Variants in KCNU1 observed in about 807,000 individuals in gnomAD.
KCNU1 encodes the protein potassium channel subfamily U member 1.
A neutral mutation model predicts 126.8 loss-of-function variants in KCNU1; 93 were observed. That is an observed-to-expected ratio of 0.73 (90% CI 0.62 to 0.87). KCNU1 has a LOEUF of 0.87. Ranked by LOEUF, KCNU1 falls within the 40% of genes least tolerant of loss-of-function variation. KCNU1 has a pLI of 0.00. For synonymous variants in KCNU1, 523 were observed against 494.2 expected (o/e 1.06, Z -0.77); for missense variants, 1,330 against 1,367.1 (o/e 0.97, Z 0.43).
chr8:36,912,658 A>G (rs62490755), intron 22 of KCNU1, among the ~76,000 whole-genome samples: 8 of 152,166 alleles, frequency 5.3e-5, no homozygotes, highest in Non-Finnish European at 1.2e-4. Flanking sequence ...ATAATTGGAC[A>G]AAGAAGAAGT....
chr8:36,825,504 C>T (rs16885464), intron 10 of KCNU1, among the ~76,000 whole-genome samples: 2,240 of 151,578 alleles, frequency 0.015, 55 homozygotes, highest in African/African-American at 0.05. Context: ...TGCACCTCTG[C>T]TCTTCCTTCC....
chr8:36,808,614 T>G (rs1474671235), intron 6 of KCNU1, 104 bp from the exon 7 acceptor site: 1 of 718,336 alleles, frequency 1.4e-6, no homozygotes, highest in Non-Finnish European at 2.5e-6. Flanking sequence ...CCGTTCCTTC[T>G]GGTCCATGAG....
At chr8:36,816,612 G>C (rs1803922656) in intron 9 of KCNU1, among the ~76,000 whole-genome samples, 1 of 151,834 alleles carries the variant, frequency 6.6e-6, no homozygotes, top group African/African-American at 2.4e-5. Flanking sequence ...AGGCCTATGG[G>C]GCACATACTA....
intron 24 of KCNU1, among the ~76,000 whole-genome samples, chr8:36,923,216 C>T (rs1808424810): frequency 6.6e-6 from 1 of 152,148 alleles, no homozygotes; most frequent in African/African-American, 2.4e-5. Flanking sequence ...TACAAATGCC[C>T]ACTGAACACC....
chr8:36,866,828 T>C (rs1352867547), intron 19 of KCNU1, among the ~76,000 whole-genome samples: 1 of 152,076 alleles, frequency 6.6e-6, no homozygotes, highest in Admixed American at 6.6e-5. Flanking sequence ...CTATAGTTAA[T>C]AACAATATAT....
intron 18 of KCNU1, among the ~76,000 whole-genome samples, chr8:36,846,243 C>G (rs1349266540): frequency 6.6e-6 from 1 of 152,210 alleles, no homozygotes; most frequent in Admixed American, 6.5e-5. Context: ...CAGTTTTTCA[C>G]AACTTCAGAC....
At chr8:36,878,779 A>T (rs897325978) in intron 19 of KCNU1, among the ~76,000 whole-genome samples, 5 of 148,846 alleles carry the variant, frequency 3.4e-5, no homozygotes, top group Non-Finnish European at 7.4e-5. Flanking sequence ...TATATATATA[A>T]AATATAATTA....
At chr8:36,898,481 A>C (rs1305227399) in intron 19 of KCNU1, among the ~76,000 whole-genome samples, 1 of 151,714 alleles carries the variant, frequency 6.6e-6, no homozygotes. Flanking sequence ...ATCCCATAAA[A>C]CCTTGGGAAG....
At chr8:36,872,443 T>C (rs1465942970) in intron 19 of KCNU1, among the ~76,000 whole-genome samples, 1 of 152,120 alleles carries the variant, frequency 6.6e-6, no homozygotes, top group East Asian at 1.9e-4. Flanking sequence ...CCTGTAACTA[T>C]GGTGGGGGCT....
chr8:36,862,099 G>C (rs1233280803), intron 18 of KCNU1, among the ~76,000 whole-genome samples: 1 of 152,098 alleles, frequency 6.6e-6, no homozygotes, highest in Non-Finnish European at 1.5e-5. Context: ...GACATTAACA[G>C]TCTAGCTAAA....
intron 24 of KCNU1, among the ~76,000 whole-genome samples, chr8:36,925,935 C>T (rs2117600154): frequency 6.6e-6 from 1 of 152,212 alleles, no homozygotes; most frequent in Middle Eastern, 3.4e-3. Context: ...AGCTATGACC[C>T]CTACAGACCC....
At position 36,854,146 on chromosome 8, in the gene KCNU1, C is replaced by A. The variant is rs181655099; in HGVS notation, c.1891+8247C>A. Among the ~76,000 whole-genome samples, 9 of 152,258 alleles carry A rather than the reference C, an allele frequency of 5.9e-5. 1 individual carries two copies. The highest frequency in any genetic ancestry group is 2.2e-4 in the African/African-American group (9 of 41,560). On this transcript the variant is annotated intron_variant, in intron 18 of 26. Coordinates refer to ENST00000399881, the MANE Select transcript of KCNU1 (RefSeq NM_001031836.3). ...CACTTCTGTCTTGCTGACTTGAAGA[C>A]CCTCTGTCTTTGAGTCTTACATTTT...
chr8:36,803,943 G>C, intron 2 of KCNU1, 84 bp from the exon 3 acceptor site: 1 of 883,764 alleles, frequency 1.1e-6, no homozygotes, highest in Non-Finnish European at 1.8e-6. Context: ...CACAGGCATG[G>C]TAAAAAGAGA....
At chr8:36,885,914 A>G (rs1426640980) in intron 19 of KCNU1, among the ~76,000 whole-genome samples, 1 of 152,154 alleles carries the variant, frequency 6.6e-6, no homozygotes, top group African/African-American at 2.4e-5. Flanking sequence ...CATGTCTCCT[A>G]CTCTACCCCT....
chr8:36,812,151 G>A (rs1264622330), intron 7 of KCNU1, among the ~76,000 whole-genome samples: 1 of 151,666 alleles, frequency 6.6e-6, no homozygotes, highest in African/African-American at 2.4e-5. Flanking sequence ...GGCCAAGGAG[G>A]GGCGGATCTC....
chr8:36,844,288 G>T (rs918781931), intron 16 of KCNU1, among the ~76,000 whole-genome samples: 11 of 151,924 alleles, frequency 7.2e-5, no homozygotes, highest in African/African-American at 2.7e-4. Context: ...GCTGAGGCAG[G>T]AGAATCACCT....
intron 18 of KCNU1, among the ~76,000 whole-genome samples, chr8:36,849,540 A>G (rs1217948125): frequency 6.6e-6 from 1 of 152,246 alleles, no homozygotes; most frequent in Non-Finnish European, 1.5e-5. Context: ...CAGTGAGCCA[A>G]GATCAGGCCA....
chr8:36,810,250 CA>C (rs5890885), intron 7 of KCNU1, among the ~76,000 whole-genome samples: 333 of 139,272 alleles, frequency 2.4e-3, no homozygotes, highest in Admixed American at 6.2e-3. Flanking sequence ...GACTCCATCT[CA>C]AAAAAAAAAA....
intron 19 of KCNU1, among the ~76,000 whole-genome samples, chr8:36,870,572 G>C (rs1376566372): frequency 1.3e-5 from 2 of 152,168 alleles, no homozygotes; most frequent in Non-Finnish European, 2.9e-5. Context: ...GGGGGCAGAA[G>C]ATCGGATACA....
Sources: gnomAD v4.1 joint callset for allele counts (sites outside exome capture counted in the v4.1 genomes callset) on GRCh38, gnomAD v4.1.1 for gene constraint, MANE v1.5 for transcripts, NCBI Gene and HGNC (gene_info 2026-07-23, HGNC 2026-07-21) for gene names.